Variants in VWA3B observed in about 807,000 individuals in gnomAD.
VWA3B encodes the protein von Willebrand factor A domain containing 3B, also known as von Willebrand factor A domain-containing protein 3B.
VWA3B carries 138 observed loss-of-function variants against 158.3 expected under a neutral mutation model. The ratio of observed to expected loss-of-function variants is 0.87; its 90% CI spans 0.76 to 1.00. The LOEUF (loss-of-function observed/expected upper bound fraction) is 1.00, where lower values mean the gene tolerates loss of function less well. VWA3B is among the 50% of genes least tolerant of loss of function. The pLI is 0.00. For missense variants in VWA3B, 1,555 were observed against 1,565.1 expected (o/e 0.99, Z 0.11); for synonymous variants, 596 against 587.3 (o/e 1.01, Z -0.21).
intron 19 of VWA3B, among the ~76,000 whole-genome samples, chr2:98,247,662 T>A (rs139352501): frequency 1.7e-3 from 254 of 152,258 alleles, no homozygotes; most frequent in Non-Finnish European, 2.8e-3. Context: ...ATACTACTCC[T>A]TTATACAGTC....
At chr2:98,249,932 G>A (rs1227008159) in intron 19 of VWA3B, among the ~76,000 whole-genome samples, 1 of 152,084 alleles carries the variant, frequency 6.6e-6, no homozygotes, top group Non-Finnish European at 1.5e-5. Flanking sequence ...AACTCAAATA[G>A]CAATTTACAA....
chr2:98,247,561 A>G (rs758029704), intron 19 of VWA3B, among the ~76,000 whole-genome samples: 2 of 152,116 alleles, frequency 1.3e-5, no homozygotes, highest in Admixed American at 6.5e-5. Flanking sequence ...CTGTTGAGTG[A>G]TAGTTTAGCT....
intron 3 of VWA3B, among the ~76,000 whole-genome samples, chr2:98,119,146 G>A (rs1467166085): frequency 4.6e-5 from 7 of 152,194 alleles, no homozygotes; most frequent in African/African-American, 9.7e-5. Flanking sequence ...TTATGTTTAG[G>A]AAAACGTTTT....
In VWA3B at chr2:98,297,953, C is replaced by T; in HGVS notation, c.3204C>T (p.Phe1068=). ...CVSRTQALVG[F]SYGDTKVVST... is the part of the protein sequence containing the mutation. The stretch of plus-strand genomic sequence containing the variant: ...GCCGCACCCAAGCACTGGTGGGCTT[C>T]AGTTACGGAGACACCAAGGTCGTGT... Residue 1068 remains phenylalanine (F), a synonymous_variant, in exon 24 of 28, where the codon TTC becomes TTT. Transcript: ENST00000477737. 1 of 1,585,354 alleles carries T rather than the reference C, an allele frequency of 6.3e-7. No homozygotes were observed.
intron 10 of VWA3B, 140 bp from the exon 11 acceptor site, chr2:98,192,758 G>A (rs773545704): frequency 3.9e-4 from 462 of 1,191,628 alleles, no homozygotes; most frequent in Non-Finnish European, 5.0e-4. Flanking sequence ...ACCTCAAAGC[G>A]AATGATCTAC....
At chr2:98,207,066 T>C (rs1445971613) in intron 12 of VWA3B, 1 of 507,148 alleles carries the variant, frequency 2.0e-6, no homozygotes, top group Non-Finnish European at 4.0e-6. Context: ...TTATTGATAA[T>C]ATCTTTCACT....
At chr2:98,200,967 T>G (rs955666772) in intron 12 of VWA3B, among the ~76,000 whole-genome samples, 5 of 152,254 alleles carry the variant, frequency 3.3e-5, no homozygotes, top group African/African-American at 1.2e-4. Flanking sequence ...TATTTTTGTT[T>G]CATTGAACTA....
intron 14 of VWA3B, among the ~76,000 whole-genome samples, chr2:98,218,590 C>A (rs1201896241): frequency 6.6e-6 from 1 of 152,328 alleles, no homozygotes; most frequent in African/African-American, 2.4e-5. Flanking sequence ...CCTGATAAAG[C>A]AATTTATTCT....
intron 12 of VWA3B, among the ~76,000 whole-genome samples, chr2:98,208,184 C>CT (rs1369676760): frequency 6.6e-6 from 1 of 151,706 alleles, no homozygotes; most frequent in Admixed American, 6.6e-5. Context: ...CTTATTTTTG[C>CT]TTTTTAAAAT....
intron 7 of VWA3B, among the ~76,000 whole-genome samples, chr2:98,160,423 G>A (rs756937747): frequency 2.0e-5 from 3 of 152,016 alleles, no homozygotes; most frequent in African/African-American, 7.2e-5. Flanking sequence ...GCTTCATCAC[G>A]ATCACTAGAC....
intron 7 of VWA3B, among the ~76,000 whole-genome samples, chr2:98,152,113 G>A (rs914638235): frequency 3.9e-5 from 6 of 152,300 alleles, no homozygotes; most frequent in South Asian, 2.1e-4. Context: ...GGAGTAGGCC[G>A]CAGGGGCCTT....
At chr2:98,320,513 T>C in the VWA3B span, among the ~76,000 whole-genome samples, 1 of 152,190 alleles carries the variant, frequency 6.6e-6, no homozygotes, top group East Asian at 1.9e-4. Flanking sequence ...AGTTTGGAAC[T>C]TCCTAGAGAC....
Position 98,255,015 on chromosome 2 carries a change from GTTTTTTGTTT to G in VWA3B, c.2793-1101_2793-1092del, listed in dbSNP as rs376227178. ...TATGGAAGCAGTGTTTTTTGTTTTT[GTTTTTTGTTT>G]TTTTTTGAGATGGAGTCTCGCTCTG... On this transcript the variant is annotated intron_variant, in intron 20 of 27. Coordinates refer to ENST00000477737, the MANE Select transcript of VWA3B (RefSeq NM_144992.5). 8.0e-3 allele frequency among the ~76,000 whole-genome samples: 1,210 copies of G among 151,290 alleles called. 18 individuals are homozygous for G. The highest frequency in any genetic ancestry group is 0.028 in the African/African-American group (1,134 of 41,170).
At chr2:98,147,707 AATT>A (rs991083015) in intron 7 of VWA3B, among the ~76,000 whole-genome samples, 52 of 150,754 alleles carry the variant, frequency 3.4e-4, no homozygotes, top group African/African-American at 1.2e-3. Context: ...TTCTTTTTTT[AATT>A]ATTATTATAC....
At chr2:98,309,539 T>C (rs1274686288) in intron 26 of VWA3B, among the ~76,000 whole-genome samples, 1 of 152,196 alleles carries the variant, frequency 6.6e-6, no homozygotes, top group East Asian at 1.9e-4. Flanking sequence ...TTTTGAGCAG[T>C]TGAGGAACTT....
At chr2:98,240,490 G>A (rs913644340) in intron 19 of VWA3B, among the ~76,000 whole-genome samples, 1 of 152,124 alleles carries the variant, frequency 6.6e-6, no homozygotes, top group African/African-American at 2.4e-5. Flanking sequence ...GGACCCAAAG[G>A]GTATGTGCAT....
chr2:98,308,488 C>T (rs1302353772), intron 26 of VWA3B, among the ~76,000 whole-genome samples: 1 of 152,212 alleles, frequency 6.6e-6, no homozygotes, highest in East Asian at 1.9e-4. Context: ...TGGTCCTTCT[C>T]AATAACTACA....
chr2:98,123,584 T>C (rs1333613031), intron 5 of VWA3B, among the ~76,000 whole-genome samples: 2 of 152,172 alleles, frequency 1.3e-5, no homozygotes, highest in East Asian at 1.9e-4. Flanking sequence ...GCTCGACACA[T>C]AGCACTGAAA....
chr2:98,299,807 A>G (rs1418561193), intron 24 of VWA3B, among the ~76,000 whole-genome samples: 1 of 152,160 alleles, frequency 6.6e-6, no homozygotes, highest in Non-Finnish European at 1.5e-5. Flanking sequence ...TGGTTTCCAG[A>G]ACCCTCACCA....
Sources: gnomAD v4.1 joint callset for allele counts (sites outside exome capture counted in the v4.1 genomes callset) on GRCh38, gnomAD v4.1.1 for gene constraint, MANE v1.5 for transcripts, NCBI Gene and HGNC (gene_info 2026-07-23, HGNC 2026-07-21) for gene names.